Variants in ENPP5 observed in about 807,000 individuals in gnomAD.
The protein encoded by ENPP5 is E-NPP 5.
Under a neutral mutation model 33.7 loss-of-function variants are expected in ENPP5, and 27 were observed. That is an observed-to-expected ratio of 0.80 (90% CI 0.59 to 1.11). The LOEUF is 1.11. ENPP5 is among the 50% of genes least tolerant of loss of function. The probability of loss-of-function intolerance (pLI) is 0.00; values close to 1 mark genes in which losing one functional copy is unlikely to be tolerated. For missense variants in ENPP5, 552 were observed against 579.2 expected (o/e 0.95, Z 0.48); for synonymous variants, 199 against 200.5 (o/e 0.99, Z 0.06).
At position 46,159,766 on chromosome 6, in the gene ENPP5, T is replaced by C. The variant is rs1340148065; in HGVS notation, c.*1560A>G. 1 of 152,222 alleles carries C rather than the reference T, an allele frequency of 6.6e-6. No individual in the cohort carries two copies. The highest frequency in any genetic ancestry group is 2.4e-5 in the African/African-American group (1 of 41,462). The allele number at this position is 152,222 out of a possible 1,614,324, so 9.4% of individuals were successfully genotyped here. A position where few individuals can be genotyped will look rare whatever the true frequency, so the allele number is the denominator to read the frequency against. On this transcript the variant is annotated 3_prime_UTR_variant, in exon 5 of 5. Coordinates refer to ENST00000371383, the MANE Select transcript of ENPP5 (RefSeq NM_001290072.2). ...TCCCATTTGTCCTTTCTTTCTGGAA[T>C]AGTAATACAATTTTACCTACTCATT...
rs532154949 is a variant in ENPP5 at position 46,159,250 on chromosome 6, A to C, written c.*2076T>G. 35 of 152,218 alleles carry C rather than the reference A, an allele frequency of 2.3e-4. No individual in the cohort carries two copies. Among genetic ancestry groups the C allele is most frequent in the Non-Finnish European group, 4.7e-4 (32 of 68,022 alleles). The allele number at this position is 152,218 out of a possible 1,614,324, so 9.4% of individuals were successfully genotyped here. ...AACTCTCCTATTTTACAGGAAAATA[A>C]GTATCTGTAAGTAAACCATCTGATA... On this transcript the variant is annotated 3_prime_UTR_variant, in exon 5 of 5. Coordinates refer to ENST00000371383, the MANE Select transcript of ENPP5 (RefSeq NM_001290072.2).
Position 46,160,204 on chromosome 6 carries a change from T to G in ENPP5, c.*1122A>C, listed in dbSNP as rs1296001945. 1 of 152,222 alleles carries G rather than the reference T, an allele frequency of 6.6e-6. No individual in the cohort carries two copies. The highest frequency in any genetic ancestry group is 1.5e-5 in the Non-Finnish European group (1 of 68,042). 9.4% of individuals were successfully genotyped at this position (152,222 alleles called of 1,614,324 possible). ...TAGTATGCACACTTTACCACTGTTC[T>G]GGGTGTCTTGTAAACATCTCACATG... On this transcript the variant is annotated 3_prime_UTR_variant, in exon 5 of 5. Coordinates refer to ENST00000371383, the MANE Select transcript of ENPP5 (RefSeq NM_001290072.2).
intron 4 of ENPP5, 54 bp from the exon 5 acceptor site, chr6:46,161,807 T>C: frequency 1.5e-6 from 2 of 1,307,270 alleles, no homozygotes; most frequent in Non-Finnish European, 2.2e-6. Flanking sequence ...AAAATGGACA[T>C]AATTGTTGTA....
At chr6:46,168,417 T>C (rs1357671481) in intron 2 of ENPP5, 120 bp from the exon 3 acceptor site, 1 of 497,918 alleles carries the variant, frequency 2.0e-6, no homozygotes, top group Non-Finnish European at 3.5e-6. Context: ...CCTGGAAGAA[T>C]TATGTCACAG....
At chr6:46,163,058 T>C (rs1581967441) in intron 4 of ENPP5, among the ~76,000 whole-genome samples, 1 of 152,220 alleles carries the variant, frequency 6.6e-6, no homozygotes, top group Admixed American at 6.5e-5. Flanking sequence ...ATAGGGACTT[T>C]GTTTTGTAGT....
At position 46,161,425 on chromosome 6, in the gene ENPP5, A is replaced by G. The variant is rs992159341; in HGVS notation, c.1335T>C (p.Ile445=). Residue 445 remains isoleucine (I), a synonymous_variant, in exon 5 of 5, where the codon ATT becomes ATC. Transcript: ENST00000371383. ...GCTTAATGAAAATTACAAAAAATACAATCACTATAATGCTGCCAAGAGAGA... is the reference window on the plus strand; with the variant it reads ...GCTTAATGAAAATTACAAAAAATACGATCACTATAATGCTGCCAAGAGAGA... ...IGVSLGSIIV[I]VFFVIFIKHL... is the part of the protein sequence containing the mutation. The G allele has an allele frequency of 6.2e-7, 1 of 1,613,796 alleles. No individual in the cohort carries two copies. Among genetic ancestry groups the G allele is most frequent in the African/African-American group, 1.3e-5 (1 of 75,066 alleles).
At chr6:46,166,447 A>AT (rs60483260) in intron 3 of ENPP5, among the ~76,000 whole-genome samples, 5,740 of 120,050 alleles carry the variant, frequency 0.048, 178 homozygotes, top group Middle Eastern at 0.078. Flanking sequence ...ACACCAGGCT[A>AT]TTTTTTTTTT....
intron 4 of ENPP5, among the ~76,000 whole-genome samples, chr6:46,164,709 C>T (rs1764485111): frequency 6.7e-6 from 1 of 150,006 alleles, no homozygotes; most frequent in African/African-American, 2.4e-5. Flanking sequence ...GGATCATTAT[C>T]TGTATGTAAA....
At position 46,161,693 on chromosome 6, in the gene ENPP5, C is replaced by A. The variant is rs761068166; in HGVS notation, c.1067G>T (p.Gly356Val). ...TGAGAAATTCTTTCTGAAGGCAGGA[C>A]CATGGGCTAAAAATATTGGATGCAT... ...ADMHPIFLAH[G>V]PAFRKNFSKE... is the part of the protein sequence containing the mutation. The change falls in exon 5 of 5, where the codon GGT (glycine) becomes GTT (valine). Residue 356 changes from glycine (G) to valine (V), a missense_variant. By Grantham distance (109) the Gly-to-Val change is moderately radical (BLOSUM62 -3). Transcript: ENST00000371383. 1.2e-6 allele frequency: 2 copies of A among 1,613,636 alleles called. No homozygotes were observed. Among genetic ancestry groups the A allele is most frequent in the Admixed American group, 1.7e-5 (1 of 60,024 alleles).
rs150707319 is a variant in ENPP5, at chr6:46,167,538, G to A, written c.725C>T (p.Thr242Met). 82 of 1,613,994 alleles carry A rather than the reference G, an allele frequency of 5.1e-5. 1 individual carries two copies. Among genetic ancestry groups the A allele is most frequent in the Admixed American group, 1.3e-4 (8 of 60,000 alleles). The change falls in exon 3 of 5, where the codon ACG becomes ATG. Residue 242 changes from threonine (T) to methionine (M), a missense_variant. Thr to Met is a moderately conservative substitution (Grantham distance 81, BLOSUM62 -1). Transcript: ENST00000371383. ...TATTAACCTTTCCTCAGAGCACTGC[G>A]TCATTCCATGATCACTTGTGATGAT... ...NLIITSDHGM[T>M]QCSEERLIEL...
rs1344561379 is a variant in ENPP5 at position 46,161,588 on chromosome 6, G to T, written c.1172C>A (p.Ser391Ter). The T allele has an allele frequency of 1.2e-6, 2 of 1,614,058 alleles. No homozygotes were observed. Among genetic ancestry groups the T allele is most frequent in the South Asian group, 2.2e-5 (2 of 91,074 alleles). ...GAGCAGATCCTGGACATTCCAGAAT[G>T]ATCCATTGTGTGGCATGGCGGTGAT... The part of the protein sequence containing the change: ...LNITAMPHNG[S>*]FWNVQDLLNS... The change falls in exon 5 of 5, where the codon TCA becomes TAA. Residue 391 changes from serine to a stop codon, truncating the protein, a stop_gained. Coordinates refer to ENST00000371383, the MANE Select transcript of ENPP5 (RefSeq NM_001290072.2). LOFTEE classifies it high-confidence loss of function.
At chr6:46,166,732 A>T (rs1274151385) in intron 3 of ENPP5, among the ~76,000 whole-genome samples, 2 of 152,146 alleles carry the variant, frequency 1.3e-5, no homozygotes, top group Non-Finnish European at 2.9e-5. Context: ...GCTTTTCAAA[A>T]TCTGTTCTCT....
intron 2 of ENPP5, among the ~76,000 whole-genome samples, chr6:46,169,746 T>C (rs560495123): frequency 6.6e-6 from 1 of 152,332 alleles, no homozygotes; most frequent in East Asian, 1.9e-4. Context: ...TGCTGTATTA[T>C]AGGTACAGGT....
intron 4 of ENPP5, among the ~76,000 whole-genome samples, chr6:46,164,203 A>T (rs558017841): frequency 2.0e-5 from 3 of 152,350 alleles, no homozygotes; most frequent in Non-Finnish European, 4.4e-5. Flanking sequence ...CTCATCTGAC[A>T]AAGGGCTAAT....
rs1019136014 is a variant in ENPP5, at chr6:46,165,561, T to C, written c.832A>G (p.Lys278Glu). The change falls in exon 4 of 5, where the codon AAA becomes GAA. Residue 278 changes from lysine to glutamate, a missense_variant and splice_region_variant. Coordinates refer to ENST00000371383, the MANE Select transcript of ENPP5 (RefSeq NM_001290072.2). ...PVAAILPKEG[K>E]FDEVYEALTH... ...AGTGCTTCATAGACTTCATCAAATTTACCTAAAGAGAAGGGAGGAGAGGCA... is the reference window on the plus strand; with the variant it reads ...AGTGCTTCATAGACTTCATCAAATTCACCTAAAGAGAAGGGAGGAGAGGCA... 2.2e-5 allele frequency: 34 copies of C among 1,559,326 alleles called. No individual in the cohort carries two copies. The highest frequency in any genetic ancestry group is 2.9e-5 in the Non-Finnish European group (34 of 1,160,372).
intron 3 of ENPP5, among the ~76,000 whole-genome samples, chr6:46,166,659 C>G (rs1335841793): frequency 8.7e-6 from 1 of 115,080 alleles, no homozygotes; most frequent in African/African-American, 2.7e-5. Flanking sequence ...TTTTAACATT[C>G]GCTGTTTCAT....
chr6:46,167,915 A>G lies in ENPP5; in HGVS notation c.348T>C (p.Phe116=). The change falls in exon 3 of 5, where the codon TTT becomes TTC. Residue 116 remains phenylalanine (F), a synonymous_variant. Transcript: ENST00000371383. ...LDHMNIYDSK[F]WEEATPIWIT... is the part of the protein sequence containing the mutation. ...TCCATATTGGTGTCGCTTCTTCCCAAAACTTGGAATCATAAATATTCATGT... is the reference window on the plus strand; with the variant it reads ...TCCATATTGGTGTCGCTTCTTCCCAGAACTTGGAATCATAAATATTCATGT... The G allele has an allele frequency of 6.2e-7, 1 of 1,614,178 alleles. No individual in the cohort carries two copies. The highest frequency in any genetic ancestry group is 8.5e-7 in the Non-Finnish European group (1 of 1,180,040).
chr6:46,161,165 GTGTGTGTA>G lies in ENPP5; in HGVS notation c.*153_*160del. The stretch of plus-strand genomic sequence containing the variant: ...TGCAGGTGTAAGTATTTTGGTCCGT[GTGTGTGTA>G]TGTGTGTGTGTGTGTGTGTGTATAC... On this transcript the variant is annotated 3_prime_UTR_variant, in exon 5 of 5. Coordinates refer to ENST00000371383, the MANE Select transcript of ENPP5 (RefSeq NM_001290072.2). The G allele has an allele frequency of 1.7e-6, 1 of 592,940 alleles. No homozygotes were observed. Among genetic ancestry groups the G allele is most frequent in the Non-Finnish European group, 2.9e-6 (1 of 339,844 alleles). The allele number at this position is 592,940 out of a possible 1,614,324, so 36.7% of individuals were successfully genotyped here. A position where few individuals can be genotyped will look rare whatever the true frequency, so the allele number is the denominator to read the frequency against.
chr6:46,167,890 T>C lies in ENPP5; in HGVS notation c.373A>G (p.Ile125Val), dbSNP rs1320682391. The change falls in exon 3 of 5, where the codon ATC becomes GTC. Residue 125 changes from isoleucine (I) to valine (V), a missense_variant. By Grantham distance (29) the Ile-to-Val change is conservative. Coordinates refer to ENST00000371383, the MANE Select transcript of ENPP5 (RefSeq NM_001290072.2). ...GTATGTCCTGCCCTCTGGTTTGTGA[T>C]CCATATTGGTGTCGCTTCTTCCCAA... ...KFWEEATPIW[I>V]TNQRAGHTSG... The C allele has an allele frequency of 6.2e-7, 1 of 1,614,232 alleles. No individual in the cohort carries two copies. The highest frequency in any genetic ancestry group is 8.5e-7 in the Non-Finnish European group (1 of 1,180,052).
Sources: allele counts gnomAD v4.1 joint callset (sites outside exome capture counted in the v4.1 genomes callset), GRCh38; gene constraint gnomAD v4.1.1; transcripts MANE v1.5; gene names NCBI Gene and HGNC (gene_info 2026-07-23, HGNC 2026-07-21).